Variants in DENND2A observed in about 807,000 individuals in gnomAD.
The protein encoded by DENND2A is DENN domain containing 2A, also known as DENN domain-containing protein 2A.
Under a neutral mutation model 105.3 loss-of-function variants are expected in DENND2A, and 53 were observed. That is an observed-to-expected ratio of 0.50 (90% CI 0.40 to 0.63). The LOEUF (loss-of-function observed/expected upper bound fraction) is 0.63, where lower values mean the gene tolerates loss of function less well. Among genes scored for constraint, DENND2A ranks in the 30% least tolerant of loss-of-function variants. The pLI, the probability that DENND2A is intolerant of heterozygous loss-of-function variation, is 0.00. For missense variants in DENND2A, 1,138 were observed against 1,279.6 expected (o/e 0.89, Z 1.69); for synonymous variants, 522 against 508.4 (o/e 1.03, Z -0.36).
chr7:140,577,511 C>T (rs1404589665), intron 5 of DENND2A, among the ~76,000 whole-genome samples: 2 of 151,920 alleles, frequency 1.3e-5, no homozygotes, highest in Admixed American at 1.3e-4. Flanking sequence ...GATTCTCCTG[C>T]CTCAGCCTCC....
intron 1 of DENND2A, among the ~76,000 whole-genome samples, chr7:140,634,661 A>C (rs916240005): frequency 6.6e-6 from 1 of 152,106 alleles, no homozygotes; most frequent in Non-Finnish European, 1.5e-5. Flanking sequence ...ACTTGAGGTC[A>C]GGAGTTCCAA....
rs181091573 is a variant in DENND2A at position 140,546,121 on chromosome 7, C to T, written c.2178+678G>A. Among the ~76,000 whole-genome samples, 564 of 152,184 alleles carry T rather than the reference C, an allele frequency of 3.7e-3. 1 individual carries two copies. The highest frequency in any genetic ancestry group is 0.014 in the Middle Eastern group (4 of 294). ...TGGGAGGGATGAAAACAAACTCCTT[C>T]ATAAAATCCCAGCCCAGGCTGGGCG... On this transcript the variant is annotated intron_variant, in intron 13 of 19. Coordinates refer to ENST00000496613, the MANE Select transcript of DENND2A (RefSeq NM_015689.5).
At chr7:140,588,598 A>C (rs774320352) in intron 3 of DENND2A, among the ~76,000 whole-genome samples, 1 of 151,880 alleles carries the variant, frequency 6.6e-6, no homozygotes, top group Non-Finnish European at 1.5e-5. Context: ...ACGCCCTGCT[A>C]ATTTTTGTAC....
At chr7:140,535,416 G>A (rs975475795) in intron 14 of DENND2A, among the ~76,000 whole-genome samples, 3 of 152,052 alleles carry the variant, frequency 2.0e-5, no homozygotes, top group Non-Finnish European at 2.9e-5. Context: ...AGTTGAAAAC[G>A]AACACAGGCT....
rs1798846204 is a variant in DENND2A at position 140,587,744 on chromosome 7, G to T, written c.1032C>A (p.Ser344=). ...SYEFEDLLQS[S]SESSRVDWYA... ...ACCAGTCCACCCTGCTGCTCTCAGA[G>T]GAAGACTGCAGTAAATCTTCAAACT... Residue 344 remains serine (S), a synonymous_variant, in exon 4 of 20, where the codon TCC becomes TCA. Transcript: ENST00000496613. The T allele has an allele frequency of 6.2e-7, 1 of 1,608,060 alleles. No individual in the cohort carries two copies. Among genetic ancestry groups the T allele is most frequent in the Non-Finnish European group, 8.5e-7 (1 of 1,175,598 alleles).
rs1488343508 is a variant in DENND2A at position 140,524,827 on chromosome 7, C to T, written c.2547+924G>A. On this transcript the variant is annotated intron_variant, in intron 16 of 19. Coordinates refer to ENST00000496613, the MANE Select transcript of DENND2A (RefSeq NM_015689.5). ...TAACTCCTGGGCTCAAGTGATCCTC[C>T]TGCCTCAGCCTCTGGAGGTGCTGGG... Among the ~76,000 whole-genome samples, 4 of 151,850 alleles carry T rather than the reference C, an allele frequency of 2.6e-5. No individual in the cohort carries two copies. In the East Asian group the frequency reaches 7.7e-4, roughly 29 times the overall value.
At chr7:140,624,920 G>A (rs1585781131) in intron 1 of DENND2A, among the ~76,000 whole-genome samples, 1 of 149,020 alleles carries the variant, frequency 6.7e-6, no homozygotes, top group East Asian at 2.0e-4. Context: ...GCCAAGGCTG[G>A]AGCGCAGTGA....
intron 11 of DENND2A, among the ~76,000 whole-genome samples, chr7:140,556,455 CAG>C (rs1347916453): frequency 6.6e-6 from 1 of 152,012 alleles, no homozygotes; most frequent in Non-Finnish European, 1.5e-5. Flanking sequence ...TCTTGTGACT[CAG>C]CCTCCCGAAT....
chr7:140,591,879 C>CTTCT (rs533126680), intron 3 of DENND2A, among the ~76,000 whole-genome samples: 9 of 114,196 alleles, frequency 7.9e-5, no homozygotes, highest in South Asian at 3.2e-4. Flanking sequence ...TCCTTCCTTC[C>CTTCT]TTCTTTCTTT....
chr7:140,621,440 AAGAGAAAAATAGTC>A (rs1800289565), intron 1 of DENND2A, among the ~76,000 whole-genome samples: 1 of 146,672 alleles, frequency 6.8e-6, no homozygotes, highest in South Asian at 2.2e-4. Context: ...AAATAATGAC[AAGAGAAAAATAGTC>A]TGTACATGTT....
intron 14 of DENND2A, among the ~76,000 whole-genome samples, chr7:140,531,801 G>A (rs182237254): frequency 4.0e-4 from 56 of 140,192 alleles, no homozygotes; most frequent in Non-Finnish European, 8.3e-4. Context: ...GGCAACAAAC[G>A]CGAAACTCTG....
chr7:140,549,767 G>A (rs1797044540), intron 12 of DENND2A, among the ~76,000 whole-genome samples: 1 of 152,118 alleles, frequency 6.6e-6, no homozygotes, highest in African/African-American at 2.4e-5. Flanking sequence ...AATTGAAGCA[G>A]GGACTTGAAT....
chr7:140,627,357 G>T (rs537025707), intron 1 of DENND2A, among the ~76,000 whole-genome samples: 2 of 151,840 alleles, frequency 1.3e-5, no homozygotes, highest in Non-Finnish European at 2.9e-5. Context: ...GACTACAGGC[G>T]CACACCACCA....
intron 19 of DENND2A, among the ~76,000 whole-genome samples, chr7:140,519,150 C>T (rs10267882): frequency 0.67 from 102,548 of 152,146 alleles, 35,303 homozygotes; most frequent in East Asian, 0.81. Flanking sequence ...GAGGGCCTCA[C>T]TGCTGCAGAC....
At chr7:140,615,801 C>A (rs889658224) in intron 1 of DENND2A, among the ~76,000 whole-genome samples, 1 of 151,690 alleles carries the variant, frequency 6.6e-6, no homozygotes, top group Non-Finnish European at 1.5e-5. Flanking sequence ...GATCCACACA[C>A]CTTGGCCTCC....
At chr7:140,533,387 C>T (rs910150677) in intron 14 of DENND2A, among the ~76,000 whole-genome samples, 4 of 152,168 alleles carry the variant, frequency 2.6e-5, no homozygotes, top group African/African-American at 9.7e-5. Context: ...CCTTGGGGCT[C>T]CTTGCTGTAC....
At chr7:140,626,802 G>A (rs1360568788) in intron 1 of DENND2A, among the ~76,000 whole-genome samples, 1 of 152,146 alleles carries the variant, frequency 6.6e-6, no homozygotes, top group Admixed American at 6.5e-5. Context: ...CCCTTGCTTG[G>A]GGCCAGCACA....
intron 9 of DENND2A, among the ~76,000 whole-genome samples, chr7:140,565,192 TG>T (rs1361747992): frequency 2.0e-5 from 3 of 152,094 alleles, no homozygotes; most frequent in African/African-American, 7.2e-5. Context: ...TGGTAGATGC[TG>T]GGGTTATGCC....
chr7:140,562,387 C>T (rs1320331570), intron 9 of DENND2A, among the ~76,000 whole-genome samples: 2 of 151,548 alleles, frequency 1.3e-5, no homozygotes, highest in Non-Finnish European at 2.9e-5. Context: ...CTGGCTGGGG[C>T]GTGGTGGCTC....
Sources: gnomAD v4.1 joint callset for allele counts (sites outside exome capture counted in the v4.1 genomes callset) on GRCh38, gnomAD v4.1.1 for gene constraint, MANE v1.5 for transcripts, NCBI Gene and HGNC (gene_info 2026-07-23, HGNC 2026-07-21) for gene names.